Variants in GAS7 observed in about 807,000 individuals in gnomAD.
GAS7 encodes growth arrest-specific protein 7.
GAS7 carries 28 observed loss-of-function variants against 71.1 expected under a neutral mutation model. The ratio of observed to expected loss-of-function variants is 0.39; its 90% CI spans 0.29 to 0.54. GAS7 has a LOEUF of 0.54. Among genes scored for constraint, GAS7 ranks in the 20% least tolerant of loss-of-function variants. GAS7 has a pLI of 0.62. For missense variants in GAS7, 436 were observed against 627.8 expected (o/e 0.69, Z 3.27); for synonymous variants, 258 against 245.8 (o/e 1.05, Z -0.46).
At chr17:9,957,872 C>T (rs548660480) in intron 5 of GAS7, among the ~76,000 whole-genome samples, 2 of 152,294 alleles carry the variant, frequency 1.3e-5, no homozygotes, top group Admixed American at 6.5e-5. Context: ...ACAAGGAACC[C>T]AAGCCAGCTC....
At chr17:10,198,140 G>A in intron 1 of GAS7, 68 bp downstream of exon 1, 1 of 1,480,122 alleles carries the variant, frequency 6.8e-7, no homozygotes, top group Non-Finnish European at 9.3e-7. Context: ...CCCGGAACGG[G>A]CAACAGGTAC....
intron 1 of GAS7, among the ~76,000 whole-genome samples, chr17:10,050,204 T>C (rs1054152291): frequency 2.6e-5 from 4 of 152,150 alleles, no homozygotes; most frequent in Admixed American, 2.6e-4. Flanking sequence ...CCCATCACAT[T>C]TGACATCCCC....
At chr17:9,953,339 A>G (rs959541234) in intron 5 of GAS7, among the ~76,000 whole-genome samples, 11 of 152,244 alleles carry the variant, frequency 7.2e-5, no homozygotes, top group Middle Eastern at 3.4e-3. Flanking sequence ...CCTTGAGGAT[A>G]CCAGTCCTCA....
chr17:9,953,764 GTTTA>G (rs1336155456), intron 5 of GAS7, among the ~76,000 whole-genome samples: 2 of 152,234 alleles, frequency 1.3e-5, no homozygotes, highest in Non-Finnish European at 2.9e-5. Flanking sequence ...TCTCGTGATG[GTTTA>G]TTTAATGTTT....
chr17:10,139,444 C>T (rs1309331160), intron 1 of GAS7, among the ~76,000 whole-genome samples: 1 of 152,178 alleles, frequency 6.6e-6, no homozygotes, highest in African/African-American at 2.4e-5. Context: ...ATCCCAGGTC[C>T]AGGAGCAAAG....
intron 1 of GAS7, among the ~76,000 whole-genome samples, chr17:10,134,394 G>A (rs1298266278): frequency 6.6e-6 from 1 of 152,186 alleles, no homozygotes; most frequent in Non-Finnish European, 1.5e-5. Context: ...GAACACAGGA[G>A]GGCAGACGCC....
At chr17:9,984,694 G>T (rs1057251608) in intron 2 of GAS7, among the ~76,000 whole-genome samples, 6 of 152,186 alleles carry the variant, frequency 3.9e-5, no homozygotes, top group African/African-American at 1.4e-4. Flanking sequence ...ACTATAAAAT[G>T]GGGATGAAAA....
At chr17:10,037,559 C>CG (rs754272457) in intron 1 of GAS7, among the ~76,000 whole-genome samples, 2 of 151,984 alleles carry the variant, frequency 1.3e-5, no homozygotes, top group Non-Finnish European at 2.9e-5. Context: ...CTCCTTGGGT[C>CG]GGGGGAAGAA....
At chr17:9,996,643 A>AT (rs2071058314) in intron 2 of GAS7, among the ~76,000 whole-genome samples, 1 of 147,726 alleles carries the variant, frequency 6.8e-6, no homozygotes, top group African/African-American at 2.5e-5. Flanking sequence ...ATTTTTTATT[A>AT]TTTTTTATTT....
At chr17:10,163,640 C>T (rs1276554561) in intron 1 of GAS7, among the ~76,000 whole-genome samples, 4 of 152,046 alleles carry the variant, frequency 2.6e-5, no homozygotes, top group Non-Finnish European at 4.4e-5. Context: ...GCTCTTCCAC[C>T]TGGGTTGGGG....
rs1047367 is a variant in GAS7 at position 9,915,809 on chromosome 17, T to C, written c.*1419A>G. 0.6 allele frequency: 138,245 copies of C among 230,688 alleles called. 42,847 individuals carry two copies. The highest frequency in any genetic ancestry group is 0.8 in the African/African-American group (36,154 of 45,256). The allele number at this position is 230,688 out of a possible 1,614,324, so 14.3% of individuals were successfully genotyped here. ...CCGACTAGAATCTGCCCCTCGCTCA[T>C]GCTTCTCCCGGCCCCTTTAGACTCT... is the stretch of plus-strand genomic sequence containing the variant. On this transcript the variant is annotated 3_prime_UTR_variant, in exon 14 of 14. Transcript: ENST00000432992.
chr17:9,947,779 G>A (rs375488885), intron 5 of GAS7, among the ~76,000 whole-genome samples: 81 of 117,402 alleles, frequency 6.9e-4, no homozygotes, highest in Middle Eastern at 4.1e-3. Flanking sequence ...AAAAAAAAAA[G>A]AAAATTTAAC....
intron 1 of GAS7, among the ~76,000 whole-genome samples, chr17:10,116,973 T>C (rs2073866968): frequency 6.6e-6 from 1 of 152,160 alleles, no homozygotes; most frequent in South Asian, 2.1e-4. Context: ...GGTCTATTCA[T>C]ATCCTGAGGC....
chr17:10,190,160 C>A (rs563538978), intron 1 of GAS7, among the ~76,000 whole-genome samples: 3 of 152,302 alleles, frequency 2.0e-5, no homozygotes, highest in South Asian at 4.1e-4. Flanking sequence ...CTTGTCACTG[C>A]CTCTGGCGCA....
intron 1 of GAS7, among the ~76,000 whole-genome samples, chr17:10,181,921 A>G (rs9897300): frequency 0.66 from 100,860 of 152,010 alleles, 35,029 homozygotes; most frequent in East Asian, 0.94. Context: ...ACACATTGGC[A>G]TGCTAAATGA....
At chr17:9,918,436 C>T (rs1395434081) in intron 12 of GAS7, among the ~76,000 whole-genome samples, 1 of 152,234 alleles carries the variant, frequency 6.6e-6, no homozygotes, top group Admixed American at 6.5e-5. Flanking sequence ...CCTAGAGAGG[C>T]AACAACACAG....
At chr17:10,143,413 T>C (rs72809386) in intron 1 of GAS7, among the ~76,000 whole-genome samples, 10,546 of 151,780 alleles carry the variant, frequency 0.069, 697 homozygotes, top group East Asian at 0.3. Context: ...ATGTTGTGTG[T>C]CCCCTATAAT....
intron 1 of GAS7, among the ~76,000 whole-genome samples, chr17:10,156,669 T>C (rs1223643054): frequency 6.6e-6 from 1 of 151,946 alleles, no homozygotes; most frequent in Non-Finnish European, 1.5e-5. Flanking sequence ...GAGATGAAGG[T>C]TCATGAGGAA....
rs561854505 is a variant in GAS7, at chr17:10,173,496, C to T, written c.183+24712G>A. 1.3e-4 allele frequency among the ~76,000 whole-genome samples: 20 copies of T among 151,382 alleles called. No individual in the cohort carries two copies. The East Asian group carries it at 3.1e-3, about 24-fold the overall frequency. ...AAAGAGACCCTCTCTCGGCCAGGCGCGGTGGCTCACGCCTATAATTCCAGC... is the reference window on the plus strand; with the variant it reads ...AAAGAGACCCTCTCTCGGCCAGGCGTGGTGGCTCACGCCTATAATTCCAGC... On this transcript the variant is annotated intron_variant, in intron 1 of 13. Transcript: ENST00000432992.
Sources: gnomAD v4.1 joint callset for allele counts (sites outside exome capture counted in the v4.1 genomes callset) on GRCh38, gnomAD v4.1.1 for gene constraint, MANE v1.5 for transcripts, NCBI Gene and HGNC (gene_info 2026-07-23, HGNC 2026-07-21) for gene names.